The following CELF4 variants were observed in gnomAD, a reference collection of about 807,000 sequenced individuals.
The protein encoded by CELF4 is CUGBP Elav-like family member 4, also known as CUG-BP- and ETR-3-like factor 4.
A neutral mutation model predicts 59.9 loss-of-function variants in CELF4; 18 were observed. The ratio of observed to expected loss-of-function variants is 0.30; its 90% confidence interval spans 0.21 to 0.45. The LOEUF (loss-of-function observed/expected upper bound fraction) is 0.45, where lower values mean the gene tolerates loss of function less well. Among genes scored for constraint, CELF4 ranks in the 20% least tolerant of loss-of-function variants. CELF4 has a pLI of 1.00. For missense variants in CELF4, 456 were observed against 689.0 expected (o/e 0.66, Z 3.79); for synonymous variants, 261 against 267.1 (o/e 0.98, Z 0.22).
intron 2 of CELF4, among the ~76,000 whole-genome samples, chr18:37,448,677 G>A (rs1160628853): frequency 1.3e-5 from 2 of 152,362 alleles, no homozygotes; most frequent in Admixed American, 1.3e-4. Context: ...GCACTGCCAG[G>A]AATAGATGTG....
At chr18:37,377,002 G>A (rs2098978046) in intron 2 of CELF4, among the ~76,000 whole-genome samples, 1 of 152,070 alleles carries the variant, frequency 6.6e-6, no homozygotes, top group African/African-American at 2.4e-5. Flanking sequence ...AGGGTGGAGG[G>A]GAGAGGGTAA....
chr18:37,352,992 T>C (rs557782586), intron 2 of CELF4, among the ~76,000 whole-genome samples: 182 of 151,900 alleles, frequency 1.2e-3, no homozygotes, highest in Admixed American at 1.6e-3. Flanking sequence ...GAGGCCAAGG[T>C]GGGCAGATCA....
intron 1 of CELF4, among the ~76,000 whole-genome samples, chr18:37,486,724 C>G (rs541679860): frequency 2.6e-5 from 4 of 152,358 alleles, no homozygotes; most frequent in Admixed American, 6.5e-5. Flanking sequence ...AGAAGGCACC[C>G]TGTGGAATGG....
At chr18:37,512,774 T>C (rs1724996229) in intron 1 of CELF4, among the ~76,000 whole-genome samples, 1 of 151,910 alleles carries the variant, frequency 6.6e-6, no homozygotes, top group Non-Finnish European at 1.5e-5. Flanking sequence ...CTTCTTCCCT[T>C]TAGTCCTTCT....
At chr18:37,444,485 T>C (rs1481271260) in intron 2 of CELF4, among the ~76,000 whole-genome samples, 1 of 152,086 alleles carries the variant, frequency 6.6e-6, no homozygotes, top group Non-Finnish European at 1.5e-5. Context: ...CTTATGAATA[T>C]TAAATTCTTT....
rs573188230 is a variant in CELF4, at chr18:37,355,771, C to T, written c.370-33890G>A. ...GTGGGTGACCAGGCCAGGCAGTCTC[C>T]CTGGAGGAGGTGGTTTCTGAGACCT... On this transcript the variant is annotated intron_variant, in intron 2 of 12. Coordinates refer to ENST00000420428, the MANE Select transcript of CELF4 (RefSeq NM_020180.4). 3.3e-5 allele frequency among the ~76,000 whole-genome samples: 5 copies of T among 152,296 alleles called. No homozygotes were observed. The South Asian group carries it at 8.3e-4, about 25-fold the overall frequency.
chr18:37,563,207 A>C (rs1448489362), intron 1 of CELF4, among the ~76,000 whole-genome samples: 2 of 152,068 alleles, frequency 1.3e-5, no homozygotes. Flanking sequence ...ATCAGCAACA[A>C]AGTGATGATA....
At chr18:37,268,662 T>G (rs1323690778) in intron 8 of CELF4, among the ~76,000 whole-genome samples, 2 of 152,146 alleles carry the variant, frequency 1.3e-5, no homozygotes, top group Non-Finnish European at 2.9e-5. Flanking sequence ...CCACACTGTG[T>G]GTATCCAGCA....
intron 1 of CELF4, among the ~76,000 whole-genome samples, chr18:37,536,111 T>C (rs1411354025): frequency 1.3e-5 from 2 of 152,106 alleles, no homozygotes; most frequent in East Asian, 3.9e-4. Context: ...AAATTTCCCC[T>C]GACGCCTGGA....
intron 1 of CELF4, among the ~76,000 whole-genome samples, chr18:37,530,955 C>G (rs2099968998): frequency 6.7e-6 from 1 of 148,696 alleles, no homozygotes; most frequent in Non-Finnish European, 1.5e-5. Flanking sequence ...AACCCTGATG[C>G]TGCCAGTAGT....
chr18:37,463,812 T>G (rs2099800324), intron 2 of CELF4, among the ~76,000 whole-genome samples: 1 of 152,172 alleles, frequency 6.6e-6, no homozygotes, highest in Non-Finnish European at 1.5e-5. Flanking sequence ...TGGAGGTTTT[T>G]TTTCTTACCT....
Position 37,379,516 on chromosome 18 carries a change from A to AAG in CELF4, c.370-57636_370-57635insCT, listed in dbSNP as rs1225645934. On this transcript the variant is annotated intron_variant, in intron 2 of 12. Coordinates refer to ENST00000420428, the MANE Select transcript of CELF4 (RefSeq NM_020180.4). ...AATAAGAGGCCATAAGCAAAAAAAA[A>AAG]AAAAAAAAAAAAAAAAGGTACTATC... 1.0e-4 allele frequency among the ~76,000 whole-genome samples: 15 copies of AAG among 150,548 alleles called. No individual in the cohort carries two copies. In the South Asian group the frequency reaches 2.7e-3, roughly 28 times the overall value.
At chr18:37,496,502 T>C (rs116226517) in intron 1 of CELF4, among the ~76,000 whole-genome samples, 200 of 152,224 alleles carry the variant, frequency 1.3e-3, no homozygotes, top group African/African-American at 4.4e-3. Context: ...CTAATTCACT[T>C]AAAGAACAAC....
At chr18:37,412,313 T>C (rs2099472268) in intron 2 of CELF4, among the ~76,000 whole-genome samples, 1 of 152,186 alleles carries the variant, frequency 6.6e-6, no homozygotes, top group African/African-American at 2.4e-5. Flanking sequence ...TGGGGTTCAA[T>C]GAGAAACACA....
chr18:37,354,058 G>A (rs1289236225), intron 2 of CELF4, among the ~76,000 whole-genome samples: 2 of 151,954 alleles, frequency 1.3e-5, no homozygotes, highest in Admixed American at 1.3e-4. Context: ...CCTGGCCTGT[G>A]GGGGGACCAG....
chr18:37,436,130 G>A (rs541899877), intron 2 of CELF4, among the ~76,000 whole-genome samples: 12 of 152,304 alleles, frequency 7.9e-5, no homozygotes, highest in African/African-American at 9.6e-5. Context: ...GAAAAGCTCC[G>A]TTCCCAGGGA....
At chr18:37,426,469 C>T (rs113975475) in intron 2 of CELF4, among the ~76,000 whole-genome samples, 8 of 152,226 alleles carry the variant, frequency 5.3e-5, no homozygotes, top group African/African-American at 1.9e-4. Context: ...TCACACAGGA[C>T]CTTGTCAATG....
At chr18:37,480,671 C>G (rs2099864200) in intron 2 of CELF4, among the ~76,000 whole-genome samples, 1 of 152,048 alleles carries the variant, frequency 6.6e-6, no homozygotes, top group Admixed American at 6.6e-5. Context: ...GATGGGGGCC[C>G]CACCAGAGCC....
At chr18:37,414,718 C>T (rs1367949955) in intron 2 of CELF4, among the ~76,000 whole-genome samples, 1 of 151,934 alleles carries the variant, frequency 6.6e-6, no homozygotes, top group African/African-American at 2.4e-5. Context: ...AGGATGGTCT[C>T]AATCTCCTGA....
Sources: allele counts gnomAD v4.1 joint callset (sites outside exome capture counted in the v4.1 genomes callset), GRCh38; gene constraint gnomAD v4.1.1; transcripts MANE v1.5; gene names NCBI Gene and HGNC (gene_info 2026-07-23, HGNC 2026-07-21).